ZNF609: variants seen among roughly 807,000 people sequenced by gnomAD.
The protein encoded by ZNF609 is zinc finger protein 609.
In ZNF609, 11 loss-of-function variants were observed where a neutral mutation model predicts 109.5. The ratio of observed to expected loss-of-function variants is 0.10; its 90% CI spans 0.06 to 0.17. ZNF609 has a LOEUF of 0.17. Ranked by LOEUF, ZNF609 falls within the 10% of genes least tolerant of loss-of-function variation. The probability of loss-of-function intolerance (pLI) is 1.00; values close to 1 mark genes in which losing one functional copy is unlikely to be tolerated. For synonymous variants in ZNF609, 646 were observed against 662.0 expected, an observed-to-expected ratio of 0.98 and a Z score of 0.37; for missense variants, 1,559 against 1,772.4, an observed-to-expected ratio of 0.88 and a Z score of 2.16.
At chr15:64,592,967 C>T (rs1268283786) in intron 2 of ZNF609, 19 of 1,070,348 alleles carry the variant, frequency 1.8e-5, no homozygotes, top group Admixed American at 8.4e-5. Context: ...CTCTCCGGTC[C>T]GTGCCTCCAA....
chr15:64,591,353 A>G (rs558603340), intron 2 of ZNF609, among the ~76,000 whole-genome samples: 5 of 152,152 alleles, frequency 3.3e-5, no homozygotes, highest in African/African-American at 7.2e-5. Flanking sequence ...GCTTGAACCC[A>G]GGAGACAGAG....
chr15:64,680,734 G>C lies in ZNF609; in HGVS notation c.4034G>C (p.Ser1345Thr). Residue 1345 changes from serine (S) to threonine (T), a missense_variant, in exon 8 of 10, where the codon AGT becomes ACT. This residue lies in a region of ZNF609 where 1,204 missense variants were observed against 1,314.1 expected (regional missense o/e 0.92). Transcript: ENST00000326648. Reference sequence around the variant, plus strand: ...AGCTGTAGCAGCGTCGGGGGAGCAAGTGGGGGTGAACGGAGTGTTGACCGG... The same window carrying C: ...AGCTGTAGCAGCGTCGGGGGAGCAACTGGGGGTGAACGGAGTGTTGACCGG... ...GGSCSSVGGASGGERSVDRPR... is the reference protein window; with the variant it reads ...GGSCSSVGGATGGERSVDRPR... 6.2e-7 allele frequency: 1 copy of C among 1,613,556 alleles called. No individual in the cohort carries two copies. The highest frequency in any genetic ancestry group is 8.5e-7 in the Non-Finnish European group (1 of 1,179,988).
chr15:64,608,724 C>CGTGTGTGTGT (rs34519391), intron 2 of ZNF609, among the ~76,000 whole-genome samples: 25 of 148,466 alleles, frequency 1.7e-4, no homozygotes, highest in East Asian at 1.6e-3. Flanking sequence ...TGCATGCATG[C>CGTGTGTGTGT]GTGTGTGTGT....
chr15:64,499,951 T>C lies in ZNF609; in HGVS notation c.532T>C (p.Cys178Arg). 1 of 1,613,988 alleles carries C rather than the reference T, an allele frequency of 6.2e-7. No individual in the cohort carries two copies. Among genetic ancestry groups the C allele is most frequent in the Non-Finnish European group, 8.5e-7 (1 of 1,180,012 alleles). Residue 178 changes from cysteine (C) to arginine (R), a missense_variant, in exon 2 of 10, where the codon TGT becomes CGT. By Grantham distance (180) the Cys-to-Arg change is radical (BLOSUM62 -3). Coordinates refer to ENST00000326648, the MANE Select transcript of ZNF609 (RefSeq NM_015042.2). ...GGAGAGAAGCGAAGGAGTGGGGACTTGTTCAGAAAAGGATCCTGGGGTCCT... is the reference window on the plus strand; with the variant it reads ...GGAGAGAAGCGAAGGAGTGGGGACTCGTTCAGAAAAGGATCCTGGGGTCCT... ...KKERSEGVGT[C>R]SEKDPGVLQP...
chr15:64,465,840 G>A (rs1005414343), intron 1 of ZNF609, among the ~76,000 whole-genome samples: 1 of 151,972 alleles, frequency 6.6e-6, no homozygotes, highest in African/African-American at 2.4e-5. Flanking sequence ...TATAGGCCGG[G>A]CGCAGTGGCT....
At chr15:64,522,440 T>G (rs1483274739) in intron 2 of ZNF609, among the ~76,000 whole-genome samples, 3 of 152,198 alleles carry the variant, frequency 2.0e-5, no homozygotes, top group Non-Finnish European at 4.4e-5. Flanking sequence ...CCATTAGAGA[T>G]CTGAACTGGT....
At chr15:64,678,035 G>A (rs1896831240) in intron 5 of ZNF609, 81 bp from the exon 6 acceptor site, 2 of 1,526,976 alleles carry the variant, frequency 1.3e-6, no homozygotes, top group African/African-American at 1.4e-5. Context: ...ATCTGCTCTG[G>A]TGGTTCTACT....
intron 1 of ZNF609, among the ~76,000 whole-genome samples, chr15:64,470,063 T>G (rs1316878760): frequency 6.6e-6 from 1 of 152,216 alleles, no homozygotes; most frequent in Non-Finnish European, 1.5e-5. Flanking sequence ...GAGTACAAGT[T>G]GAGTTGCCCA....
chr15:64,664,083 C>T (rs577902599), intron 3 of ZNF609, among the ~76,000 whole-genome samples: 7 of 152,202 alleles, frequency 4.6e-5, no homozygotes, highest in South Asian at 4.2e-4. Flanking sequence ...CAAAAATTAA[C>T]GAGGTGTGGT....
At chr15:64,621,887 G>A (rs571090877) in intron 2 of ZNF609, among the ~76,000 whole-genome samples, 2 of 151,580 alleles carry the variant, frequency 1.3e-5, no homozygotes, top group South Asian at 2.1e-4. Context: ...CACTACGCCC[G>A]GCTAATTTTT....
At chr15:64,613,393 C>T (rs1895747249) in intron 2 of ZNF609, among the ~76,000 whole-genome samples, 1 of 152,120 alleles carries the variant, frequency 6.6e-6, no homozygotes, top group South Asian at 2.1e-4. Flanking sequence ...TTGGGATTTA[C>T]TCAGGGTATT....
At chr15:64,554,319 A>G (rs972362378) in intron 2 of ZNF609, among the ~76,000 whole-genome samples, 1 of 152,142 alleles carries the variant, frequency 6.6e-6, no homozygotes, top group African/African-American at 2.4e-5. Flanking sequence ...TTTCTGGGTT[A>G]TCCAGATAAA....
intron 2 of ZNF609, among the ~76,000 whole-genome samples, chr15:64,607,309 A>G (rs1255707517): frequency 6.6e-6 from 1 of 152,112 alleles, no homozygotes; most frequent in Non-Finnish European, 1.5e-5. Context: ...TCTGTAAAAC[A>G]ACACACACAT....
rs1896782135 is a variant in ZNF609 at position 64,674,651 on chromosome 15, A to T, written c.1797A>T (p.Thr599=). Residue 599 remains threonine (T), a synonymous_variant, in exon 5 of 10, where the codon ACA becomes ACT. Transcript: ENST00000326648. Reference sequence around the variant, plus strand: ...AAAAGTTGAGTGGGGAAGGGGACACAGACCTTGGGGCCTTATCCAATGATG... The same window carrying T: ...AAAAGTTGAGTGGGGAAGGGGACACTGACCTTGGGGCCTTATCCAATGATG... ...CKKKLSGEGD[T]DLGALSNDGS... is the part of the protein sequence containing the mutation. 6.2e-7 allele frequency: 1 copy of T among 1,614,210 alleles called. No individual in the cohort carries two copies. Among genetic ancestry groups the T allele is most frequent in the Non-Finnish European group, 8.5e-7 (1 of 1,180,044 alleles).
chr15:64,466,868 C>CT (rs987501884), intron 1 of ZNF609, among the ~76,000 whole-genome samples: 2 of 152,090 alleles, frequency 1.3e-5, no homozygotes, highest in African/African-American at 4.8e-5. Context: ...TGGAAACACT[C>CT]TAATTACTGT....
At chr15:64,485,499 A>G (rs1893318899) in intron 1 of ZNF609, among the ~76,000 whole-genome samples, 1 of 152,322 alleles carries the variant, frequency 6.6e-6, no homozygotes, top group East Asian at 1.9e-4. Context: ...AGTCTTACGC[A>G]GTTGTAAGAA....
chr15:64,611,249 A>C (rs1895712473), intron 2 of ZNF609, among the ~76,000 whole-genome samples: 1 of 152,196 alleles, frequency 6.6e-6, no homozygotes, highest in Non-Finnish European at 1.5e-5. Context: ...TCAGCTTCAG[A>C]GGAAGTACTT....
At position 64,536,916 on chromosome 15, in the gene ZNF609, G is replaced by GAAAAAAAAA. The variant is rs60594462; in HGVS notation, c.747+36766_747+36774dup. On this transcript the variant is annotated intron_variant, in intron 2 of 9. Coordinates refer to ENST00000326648, the MANE Select transcript of ZNF609 (RefSeq NM_015042.2). ...CAGAGAGAGACCCTGTCTCAAAAAA[G>GAAAAAAAAA]AAAAAAAAAAAAAAAAAAAAAAAAG... Among the ~76,000 whole-genome samples the GAAAAAAAAA allele has an allele frequency of 3.6e-5, 2 of 55,412 alleles. 1 individual carries two copies. The highest frequency in any genetic ancestry group is 5.6e-4 in the Admixed American group (2 of 3,568). The allele number at this position is 55,412 out of a possible 152,430, so 36.4% of individuals were successfully genotyped here.
intron 2 of ZNF609, among the ~76,000 whole-genome samples, chr15:64,503,412 T>C (rs1038448651): frequency 6.6e-6 from 1 of 152,100 alleles, no homozygotes; most frequent in Admixed American, 6.5e-5. Context: ...TTTAGTTTGA[T>C]TGATGGATTG....
Sources: gnomAD v4.1 joint callset for allele counts (sites outside exome capture counted in the v4.1 genomes callset) on GRCh38, gnomAD v4.1.1 for gene constraint, gnomAD v4.1.1 regional missense constraint, MANE v1.5 for transcripts, NCBI Gene and HGNC (gene_info 2026-07-23, HGNC 2026-07-21) for gene names.